Variants in PRUNE2 observed in about 807,000 individuals in gnomAD.
PRUNE2 encodes protein prune homolog 2.
A neutral mutation model predicts 252.0 loss-of-function variants in PRUNE2; 164 were observed. The ratio of observed to expected loss-of-function variants is 0.65; its 90% CI spans 0.57 to 0.74. The LOEUF (loss-of-function observed/expected upper bound fraction) is 0.74, where lower values mean the gene tolerates loss of function less well. Among genes scored for constraint, PRUNE2 ranks in the 30% least tolerant of loss-of-function variants. The pLI, the probability that PRUNE2 is intolerant of heterozygous loss-of-function variation, is 0.00. For missense variants in PRUNE2, 3,495 were observed against 3,711.0 expected, an observed-to-expected ratio of 0.94 and a Z score of 1.51; for synonymous variants, 1,292 against 1,350.2, an observed-to-expected ratio of 0.96 and a Z score of 0.94.
rs368592838 is a variant in PRUNE2, at chr9:76,713,644, C to T, written c.834G>A (p.Leu278=). The change falls in exon 7 of 19, where the codon CTG becomes CTA. Residue 278 remains leucine (L), a synonymous_variant. Transcript: ENST00000376718. ...GCTCCTCTGACAGATAGCTGGAGAA[C>T]AGGATGAGGACATCAAAACCAAACT... is the stretch of plus-strand genomic sequence containing the variant. The part of the protein sequence containing the change: ...TDKFGFDVLI[L]FSSYLSEEQQ... The T allele has an allele frequency of 1.9e-5, 30 of 1,601,550 alleles. No homozygotes were observed. Among genetic ancestry groups the T allele is most frequent in the African/African-American group, 2.7e-5 (2 of 74,788 alleles).
Position 76,859,171 on chromosome 9 carries a change from G to A in PRUNE2, c.37-4963C>T, listed in dbSNP as rs12001119. On this transcript the variant is annotated intron_variant, in intron 1 of 18. Coordinates refer to ENST00000376718, the MANE Select transcript of PRUNE2 (RefSeq NM_015225.3). ...TCTAGATACACTTCCAAAATAGATGGACAGAATCTTTTCATAATCAATGTA... is the reference window on the plus strand; with the variant it reads ...TCTAGATACACTTCCAAAATAGATGAACAGAATCTTTTCATAATCAATGTA... Among the ~76,000 whole-genome samples the A allele has an allele frequency of 4.5e-3, 679 of 152,246 alleles. 2 individuals carry two copies. The highest frequency in any genetic ancestry group is 0.016 in the African/African-American group (649 of 41,536).
At chr9:76,834,589 G>A (rs1415294968) in intron 4 of PRUNE2, among the ~76,000 whole-genome samples, 1 of 152,126 alleles carries the variant, frequency 6.6e-6, no homozygotes, top group Non-Finnish European at 1.5e-5. Flanking sequence ...GCAGTATTAA[G>A]AAATTAACCT....
intron 6 of PRUNE2, among the ~76,000 whole-genome samples, chr9:76,790,086 C>A (rs986309478): frequency 6.6e-6 from 1 of 152,136 alleles, no homozygotes; most frequent in Non-Finnish European, 1.5e-5. Flanking sequence ...GATAAAGAGT[C>A]CTTGTTCCAA....
At chr9:76,820,050 T>C (rs1461523809) in intron 6 of PRUNE2, among the ~76,000 whole-genome samples, 1 of 152,170 alleles carries the variant, frequency 6.6e-6, no homozygotes, top group Non-Finnish European at 1.5e-5. Context: ...CAATATGTCA[T>C]GTGCATTCCC....
chr9:76,616,182 C>T (rs765942738), intron 18 of PRUNE2, among the ~76,000 whole-genome samples: 38 of 152,156 alleles, frequency 2.5e-4, no homozygotes, highest in Non-Finnish European at 5.0e-4. Context: ...TTTTCAGGCC[C>T]TCTGACTTGT....
intron 9 of PRUNE2, among the ~76,000 whole-genome samples, chr9:76,657,032 G>A (rs1035044210): frequency 6.6e-6 from 1 of 152,226 alleles, no homozygotes; most frequent in Non-Finnish European, 1.5e-5. Flanking sequence ...AAAGATTGGG[G>A]AGGTATGCAA....
intron 9 of PRUNE2, among the ~76,000 whole-genome samples, chr9:76,694,934 T>C (rs1440708363): frequency 6.6e-6 from 1 of 152,148 alleles, no homozygotes; most frequent in Non-Finnish European, 1.5e-5. Context: ...AAAAAATAAA[T>C]ATAAAAAGGT....
chr9:76,813,419 G>C (rs749070390), intron 6 of PRUNE2, among the ~76,000 whole-genome samples: 1 of 152,148 alleles, frequency 6.6e-6, no homozygotes, highest in Non-Finnish European at 1.5e-5. Context: ...ACTCGAGAAA[G>C]TCATGGAGAA....
At chr9:76,864,285 G>A (rs7018939) in intron 1 of PRUNE2, among the ~76,000 whole-genome samples, 8,704 of 152,076 alleles carry the variant, frequency 0.057, 831 homozygotes, top group African/African-American at 0.2. Context: ...ACAGACACTG[G>A]GGCCTACCAG....
chr9:76,648,705 T>A (rs1036123876), intron 11 of PRUNE2, among the ~76,000 whole-genome samples: 16 of 152,202 alleles, frequency 1.1e-4, no homozygotes, highest in African/African-American at 3.4e-4. Context: ...GAAAAACGAT[T>A]CTGTATGATA....
chr9:76,880,953 T>C (rs893465180), intron 1 of PRUNE2, among the ~76,000 whole-genome samples: 2 of 151,158 alleles, frequency 1.3e-5, no homozygotes, highest in African/African-American at 4.9e-5. Context: ...TGGGACATCC[T>C]TGTTAATTTT....
chr9:76,820,138 C>T (rs889905511), intron 6 of PRUNE2, among the ~76,000 whole-genome samples: 4 of 152,188 alleles, frequency 2.6e-5, no homozygotes, highest in African/African-American at 9.6e-5. Context: ...TCTTTTCCCA[C>T]AGTCCCCTTA....
Position 76,705,468 on chromosome 9 carries a change from CCAT to C in PRUNE2, c.6803_6805del (p.Asp2268del). ...ATTCTCTGTGGATAAATGTGGATCA[CCAT>C]CAAACAAAGCTCTTGCACCAGGCTG... On this transcript the variant is annotated inframe_deletion, in exon 8 of 19. Coordinates refer to ENST00000376718, the MANE Select transcript of PRUNE2 (RefSeq NM_015225.3). 6.2e-7 allele frequency: 1 copy of C among 1,613,940 alleles called. No homozygotes were observed. Among genetic ancestry groups the C allele is most frequent in the Non-Finnish European group, 8.5e-7 (1 of 1,179,850 alleles).
chr9:76,741,997 T>C (rs915736009), intron 6 of PRUNE2, among the ~76,000 whole-genome samples: 1 of 152,234 alleles, frequency 6.6e-6, no homozygotes, highest in Non-Finnish European at 1.5e-5. Flanking sequence ...ATAATTGGTA[T>C]ACATCTGAAG....
At chr9:76,884,969 C>G (rs2062003549) in intron 1 of PRUNE2, among the ~76,000 whole-genome samples, 1 of 152,198 alleles carries the variant, frequency 6.6e-6, no homozygotes, top group Non-Finnish European at 1.5e-5. Flanking sequence ...CAATTTGGAA[C>G]CTAACCACCA....
intron 6 of PRUNE2, among the ~76,000 whole-genome samples, chr9:76,753,177 G>A (rs989256994): frequency 1.3e-5 from 2 of 152,024 alleles, no homozygotes; most frequent in Admixed American, 1.3e-4. Context: ...CCACAGGCAA[G>A]AGCTACCATG....
chr9:76,705,514 T>C lies in PRUNE2; in HGVS notation c.6760A>G (p.Ser2254Gly), dbSNP rs1161708721. Residue 2254 changes from serine to glycine, a missense_variant, in exon 8 of 19, where the codon AGC becomes GGC. Ser to Gly is a moderately conservative substitution (Grantham distance 56). Coordinates refer to ENST00000376718, the MANE Select transcript of PRUNE2 (RefSeq NM_015225.3). ...CCAGGCTGACTTTCAGGAGAAAAGC[T>C]GTCTGATATCCAAGAACCGTCACCT... The part of the protein sequence containing the change: ...PEGDGSWISD[S>G]FSPESQPGAR... The C allele has an allele frequency of 6.2e-7, 1 of 1,613,898 alleles. No individual in the cohort carries two copies. Among genetic ancestry groups the C allele is most frequent in the Non-Finnish European group, 8.5e-7 (1 of 1,179,880 alleles).
chr9:76,861,465 C>A (rs1390940563), intron 1 of PRUNE2, among the ~76,000 whole-genome samples: 1 of 152,156 alleles, frequency 6.6e-6, no homozygotes, highest in African/African-American at 2.4e-5. Context: ...CTGTTCAGGC[C>A]GTGTGCATTT....
intron 18 of PRUNE2, among the ~76,000 whole-genome samples, 166 bp from the exon 19 acceptor site, chr9:76,614,766 CTCT>C (rs1169001981): frequency 6.6e-6 from 1 of 152,202 alleles, no homozygotes; most frequent in African/African-American, 2.4e-5. Context: ...CCCAATCCTC[CTCT>C]TGTCAGGCTT....
Sources: gnomAD v4.1 joint callset for allele counts (sites outside exome capture counted in the v4.1 genomes callset) on GRCh38, gnomAD v4.1.1 for gene constraint, MANE v1.5 for transcripts, NCBI Gene and HGNC (gene_info 2026-07-23, HGNC 2026-07-21) for gene names.